The following SEMA3A variants were observed in gnomAD, a reference collection of about 807,000 sequenced individuals.
The protein encoded by SEMA3A is semaphorin-3A.
Under a neutral mutation model 97.9 loss-of-function variants are expected in SEMA3A, and 29 were observed. That is an observed-to-expected ratio of 0.30 (90% CI 0.22 to 0.40). The LOEUF (loss-of-function observed/expected upper bound fraction) is 0.40. SEMA3A is among the 10% of genes least tolerant of loss of function. The probability of loss-of-function intolerance (pLI) is 1.00; values close to 1 mark genes in which losing one functional copy is unlikely to be tolerated. For missense variants in SEMA3A, 763 were observed against 951.3 expected, an observed-to-expected ratio of 0.80 and a Z score of 2.60; for synonymous variants, 321 against 323.7, an observed-to-expected ratio of 0.99 and a Z score of 0.09.
rs115532705 is a variant in SEMA3A at position 84,366,477 on chromosome 7, A to G, written c.-169+5347T>C. ...CAGTATTCATTTACTAAAACAGTAA[A>G]TTACTCCTTTTTATCAATCTGCTAT... is the stretch of plus-strand genomic sequence containing the variant. On this transcript the variant is annotated intron_variant, in intron 2 of 3. Transcript: ENST00000424555. Among the ~76,000 whole-genome samples the G allele has an allele frequency of 7.7e-3, 1,164 of 150,278 alleles. 14 individuals are homozygous for G. The highest frequency in any genetic ancestry group is 0.027 in the African/African-American group (1,101 of 41,406).
At chr7:84,107,653 G>A (rs1377164344) in intron 4 of SEMA3A, among the ~76,000 whole-genome samples, 3 of 152,110 alleles carry the variant, frequency 2.0e-5, no homozygotes, top group African/African-American at 7.2e-5. Context: ...TAAATGGCCT[G>A]GCTCCAGAAC....
chr7:84,065,791 C>A (rs562082964), intron 4 of SEMA3A, among the ~76,000 whole-genome samples: 34 of 152,034 alleles, frequency 2.2e-4, no homozygotes, highest in Admixed American at 2.0e-3. Flanking sequence ...GCTTACCAAC[C>A]AAAAAGAGTC....
chr7:84,271,214 G>T (rs1800144194), intron 3 of SEMA3A, among the ~76,000 whole-genome samples: 1 of 151,724 alleles, frequency 6.6e-6, no homozygotes, highest in South Asian at 2.1e-4. Context: ...TTGAGACAAA[G>T]TCTCACTCTG....
At chr7:84,053,552 T>G (rs963086061) in intron 5 of SEMA3A, among the ~76,000 whole-genome samples, 1 of 77,076 alleles carries the variant, frequency 1.3e-5, no homozygotes, top group African/African-American at 5.3e-5. Flanking sequence ...TTTTTTTGTT[T>G]TCCATTTGCT....
chr7:84,297,625 C>T (rs1584214086), intron 3 of SEMA3A, among the ~76,000 whole-genome samples: 1 of 152,074 alleles, frequency 6.6e-6, no homozygotes, highest in Non-Finnish European at 1.5e-5. Flanking sequence ...TTTGTTAATA[C>T]CCTGCTGCTC....
upstream of SEMA3A, among the ~76,000 whole-genome samples, chr7:84,198,120 C>A (rs117133806): frequency 1.3e-5 from 2 of 152,142 alleles, no homozygotes; most frequent in African/African-American, 2.4e-5. Flanking sequence ...TACACCATAA[C>A]CATTGATTTT....
At chr7:84,023,726 T>G (rs1350783031) in intron 6 of SEMA3A, among the ~76,000 whole-genome samples, 1 of 152,122 alleles carries the variant, frequency 6.6e-6, no homozygotes, top group Non-Finnish European at 1.5e-5. Context: ...AAAATGTAGA[T>G]AGTGCCGGGC....
intron 2 of SEMA3A, among the ~76,000 whole-genome samples, chr7:84,343,667 A>C (rs1385271806): frequency 6.6e-6 from 1 of 152,106 alleles, no homozygotes; most frequent in Non-Finnish European, 1.5e-5. Context: ...TAAAATTAGC[A>C]GTATGGATGG....
intron 3 of SEMA3A, among the ~76,000 whole-genome samples, chr7:84,206,349 A>C (rs1051241171): frequency 6.9e-6 from 1 of 143,984 alleles, no homozygotes; most frequent in African/African-American, 2.6e-5. Context: ...TTGAGACAGA[A>C]TCTGGCTCTG....
rs188453818 is a variant in SEMA3A at position 84,301,854 on chromosome 7, C to A, written c.-83+5353G>T. ...CTCAGGGGAATGTCAAATGGTACAA[C>A]CGTTTTGGAAAACTGTCATTTCTTC... On this transcript the variant is annotated intron_variant, in intron 3 of 3. Coordinates refer to the SEMA3A transcript ENST00000424555. Among the ~76,000 whole-genome samples the A allele has an allele frequency of 1.5e-3, 225 of 152,244 alleles. 1 individual carries two copies. Among genetic ancestry groups the A allele is most frequent in the African/African-American group, 5.2e-3 (216 of 41,548 alleles).
In SEMA3A at chr7:83,956,709, T is replaced by A. The variant is rs144159648; in HGVS notation, c.*4662A>T. ...ACTCATAGTAGTGGGACATTTAACT[T>A]TTCTTTATGAAACCTGTGTTTTATC... On this transcript the variant is annotated 3_prime_UTR_variant, in exon 17 of 17. Transcript: ENST00000265362. 1 of 152,052 alleles carries A rather than the reference T, an allele frequency of 6.6e-6. No homozygotes were observed. The highest frequency in any genetic ancestry group is 6.6e-5 in the Admixed American group (1 of 15,262). The allele number at this position is 152,052 out of a possible 1,614,324, so 9.4% of individuals were successfully genotyped here.
chr7:84,080,402 G>A (rs371217962), intron 4 of SEMA3A, among the ~76,000 whole-genome samples: 4 of 151,642 alleles, frequency 2.6e-5, no homozygotes, highest in East Asian at 1.9e-4. Flanking sequence ...AAATTATACC[G>A]TAGGCTTAAA....
At chr7:84,052,703 T>C (rs1360165264) in intron 5 of SEMA3A, among the ~76,000 whole-genome samples, 1 of 152,006 alleles carries the variant, frequency 6.6e-6, no homozygotes, top group African/African-American at 2.4e-5. Context: ...TTTTTGTGTC[T>C]CTATTTCCTT....
chr7:84,006,944 T>C (rs772919497), intron 10 of SEMA3A, among the ~76,000 whole-genome samples: 5 of 152,122 alleles, frequency 3.3e-5, no homozygotes, highest in Non-Finnish European at 7.4e-5. Context: ...TTGTTTTGTA[T>C]GTAAATTATA....
intron 15 of SEMA3A, among the ~76,000 whole-genome samples, chr7:83,967,940 A>C (rs933162211): frequency 2.0e-5 from 3 of 152,182 alleles, no homozygotes; most frequent in Non-Finnish European, 4.4e-5. Flanking sequence ...TTGTGGTGAC[A>C]TGTAAAATCC....
At chr7:84,260,165 G>C (rs190598773) in intron 3 of SEMA3A, among the ~76,000 whole-genome samples, 2 of 152,174 alleles carry the variant, frequency 1.3e-5, no homozygotes, top group African/African-American at 4.8e-5. Context: ...TCATTTAAGC[G>C]TGGTATATCT....
At chr7:84,127,139 C>T (rs1025042867) in intron 3 of SEMA3A, among the ~76,000 whole-genome samples, 2 of 151,956 alleles carry the variant, frequency 1.3e-5, no homozygotes, top group African/African-American at 2.4e-5. Flanking sequence ...CTCCTGAACT[C>T]TCTTCACAAG....
intron 1 of SEMA3A, among the ~76,000 whole-genome samples, chr7:84,155,585 TG>T (rs1465117131): frequency 6.6e-6 from 1 of 152,170 alleles, no homozygotes; most frequent in Admixed American, 6.5e-5. Flanking sequence ...GCAGTGTTCT[TG>T]GCTTGCATTA....
intron 4 of SEMA3A, among the ~76,000 whole-genome samples, chr7:84,076,455 A>AT (rs923603882): frequency 1.3e-5 from 2 of 152,046 alleles, no homozygotes; most frequent in African/African-American, 4.8e-5. Flanking sequence ...TAAAAACCTG[A>AT]TTTTTTTGTA....
Sources: allele counts gnomAD v4.1 joint callset (sites outside exome capture counted in the v4.1 genomes callset), GRCh38; gene constraint gnomAD v4.1.1; transcripts MANE v1.5; gene names NCBI Gene and HGNC (gene_info 2026-07-23, HGNC 2026-07-21).